Variants in TAF6L observed in about 807,000 individuals in gnomAD.
The protein encoded by TAF6L is TAF6-like RNA polymerase II p300/CBP-associated factor-associated factor 65 kDa subunit 6L.
Under a neutral mutation model 57.3 loss-of-function variants are expected in TAF6L, and 34 were observed. The observed-to-expected ratio is 0.59, with a 90% CI of 0.45 to 0.79. The LOEUF (loss-of-function observed/expected upper bound fraction) is 0.79, where lower values mean the gene tolerates loss of function less well. Among genes scored for constraint, TAF6L ranks in the 30% least tolerant of loss-of-function variants. The pLI, the probability that TAF6L is intolerant of heterozygous loss-of-function variation, is 0.00. For missense variants in TAF6L, 782 were observed against 853.2 expected, an observed-to-expected ratio of 0.92 and a Z score of 1.04; for synonymous variants, 417 against 376.3, an observed-to-expected ratio of 1.11 and a Z score of -1.25.
rs1365499408 is a variant in TAF6L, at chr11:62,786,783, G to A, written c.1356G>A (p.Leu452=). The stretch of plus-strand genomic sequence containing the variant: ...TCTACGCCTTCTTCGGTGACAGCTT[G>A]GCCACACGCTTTGGCACCGGCCAGC... ...RELYAFFGDS[L]ATRFGTGQPA... is the part of the protein sequence containing the mutation. Residue 452 remains leucine (L), a synonymous_variant, in exon 11 of 11, where the codon TTG becomes TTA. Transcript: ENST00000294168. 1.2e-6 allele frequency: 2 copies of A among 1,611,848 alleles called. No individual in the cohort carries two copies. The highest frequency in any genetic ancestry group is 2.2e-5 in the East Asian group (1 of 44,852).
chr11:62,776,358 T>C (rs981392110), intron 2 of TAF6L, 26 bp from the exon 3 acceptor site: 2 of 1,612,066 alleles, frequency 1.2e-6, no homozygotes, highest in African/African-American at 2.7e-5. Flanking sequence ...ATCCTTTGAC[T>C]CTGGCTTTTG....
chr11:62,775,741 G>C lies in TAF6L; in HGVS notation c.-13-30G>C, dbSNP rs748198682. The C allele has an allele frequency of 1.9e-6, 3 of 1,577,014 alleles. No individual in the cohort carries two copies. In the African/African-American group the frequency reaches 4.0e-5, roughly 21 times the overall value. ...CCTGGGCTCTCCGGGAGGCTGGGCA[G>C]CTTTTCCAGTCTTCATTCTCCACTC... is the stretch of plus-strand genomic sequence containing the variant. On this transcript the variant is annotated intron_variant, in intron 1 of 10. Transcript: ENST00000294168.
chr11:62,776,397 T>A lies in TAF6L; in HGVS notation c.161T>A (p.Phe54Tyr). ...CCTCCCTCCCAGAATAGCTCTCAGTTCATGAAGCACACCAAACGCCGGAAG... is the reference window on the plus strand; with the variant it reads ...CCTCCCTCCCAGAATAGCTCTCAGTACATGAAGCACACCAAACGCCGGAAG... ...LREATQNSSQ[F>Y]MKHTKRRKLT... The change falls in exon 3 of 11, where the codon TTC becomes TAC. Residue 54 changes from phenylalanine to tyrosine, a missense_variant. Phe to Tyr is a conservative substitution (Grantham distance 22). Transcript: ENST00000294168. The A allele has an allele frequency of 6.2e-7, 1 of 1,613,548 alleles. No homozygotes were observed. The highest frequency in any genetic ancestry group is 8.5e-7 in the Non-Finnish European group (1 of 1,179,612).
At chr11:62,775,376 G>A (rs1227728306) in intron 1 of TAF6L, among the ~76,000 whole-genome samples, 3 of 152,172 alleles carry the variant, frequency 2.0e-5, no homozygotes, top group Admixed American at 6.5e-5. Flanking sequence ...AGATTTGTGC[G>A]GGGACACAGC....
At position 62,786,831 on chromosome 11, in the gene TAF6L, G is replaced by A; in HGVS notation, c.1404G>A (p.Pro468=). 2 of 1,602,748 alleles carry A rather than the reference G, an allele frequency of 1.2e-6. No individual in the cohort carries two copies. The highest frequency in any genetic ancestry group is 1.7e-6 in the Non-Finnish European group (2 of 1,178,600). ...TGQPAPTAPR[P]PGDKKEPAAA... Reference sequence around the variant, plus strand: ...AGCCTGCACCCACGGCTCCGCGGCCGCCCGGGGACAAGAAGGAGCCGGCGG... The same window carrying A: ...AGCCTGCACCCACGGCTCCGCGGCCACCCGGGGACAAGAAGGAGCCGGCGG... Residue 468 remains proline (P), a synonymous_variant, in exon 11 of 11, where the codon CCG becomes CCA. Transcript: ENST00000294168.
chr11:62,777,606 G>T (rs1439124026), intron 3 of TAF6L, among the ~76,000 whole-genome samples: 1 of 152,220 alleles, frequency 6.6e-6, no homozygotes, highest in Non-Finnish European at 1.5e-5. Flanking sequence ...AACAGTGTGG[G>T]TGTTAGGGCC....
At chr11:62,778,261 C>T in intron 4 of TAF6L, 24 bp from the exon 5 acceptor site, 5 of 1,614,124 alleles carry the variant, frequency 3.1e-6, no homozygotes, top group Middle Eastern at 1.7e-4. Context: ...GCCAGGCTGA[C>T]ACATCTCTCT....
chr11:62,773,687 A>AT (rs1233106369), intron 1 of TAF6L, among the ~76,000 whole-genome samples: 1 of 152,076 alleles, frequency 6.6e-6, no homozygotes. Flanking sequence ...ACCTCAGGTG[A>AT]TTCGCCCGCC....
chr11:62,777,560 A>G (rs2084196419), intron 3 of TAF6L, among the ~76,000 whole-genome samples: 1 of 152,122 alleles, frequency 6.6e-6, no homozygotes, highest in African/African-American at 2.4e-5. Flanking sequence ...GGCCAAGAGG[A>G]AAAGAAGGCA....
At chr11:62,784,607 A>T (rs2084256946) in intron 9 of TAF6L, among the ~76,000 whole-genome samples, 1 of 152,028 alleles carries the variant, frequency 6.6e-6, no homozygotes, top group Admixed American at 6.6e-5. Flanking sequence ...TGCCTGGCCT[A>T]TATTCTTAAT....
At chr11:62,772,826 GTTC>G (rs1315769960) in intron 1 of TAF6L, among the ~76,000 whole-genome samples, 3 of 149,736 alleles carry the variant, frequency 2.0e-5, no homozygotes, top group Admixed American at 6.7e-5. Context: ...AAAAAGAATA[GTTC>G]TTCTTTCTTT....
At chr11:62,778,797 G>C in intron 5 of TAF6L, 72 bp from the exon 6 acceptor site, 1 of 1,280,430 alleles carries the variant, frequency 7.8e-7, no homozygotes, top group South Asian at 1.2e-5. Flanking sequence ...GTGGTTGAGG[G>C]GGAGGAGGCT....
chr11:62,776,348 A>C, intron 2 of TAF6L, 36 bp from the exon 3 acceptor site: 1 of 1,609,528 alleles, frequency 6.2e-7, no homozygotes, highest in Non-Finnish European at 8.5e-7. Flanking sequence ...CCTGCTTCAC[A>C]TCCTTTGACT....
rs1173738715 is a variant in TAF6L, at chr11:62,786,515, A to C, written c.1090-2A>C. ...GCCTATCTTAGTCCTTGGCTCTTAC[A>C]GGTGGCGGTAGAGCGACTGCTGAAG... On this transcript the variant is annotated splice_acceptor_variant, in intron 10 of 10. Coordinates refer to ENST00000294168, the MANE Select transcript of TAF6L (RefSeq NM_006473.4). LOFTEE classifies it high-confidence loss of function. 6.4e-7 allele frequency: 1 copy of C among 1,556,772 alleles called. No homozygotes were observed. Among genetic ancestry groups the C allele is most frequent in the South Asian group, 1.2e-5 (1 of 82,688 alleles).
chr11:62,779,976 A>ATATATATATATATATATTTTTTT (rs1294367864), intron 6 of TAF6L, among the ~76,000 whole-genome samples: 2 of 52,632 alleles, frequency 3.8e-5, no homozygotes, highest in African/African-American at 7.7e-5. Context: ...ATATATATAT[A>ATATATATATATATATATTTTTTT]TTTTTTTTTT....
intron 4 of TAF6L, 38 bp downstream of exon 4, chr11:62,778,166 T>C (rs1448324905): frequency 6.2e-7 from 1 of 1,613,572 alleles, no homozygotes; most frequent in Admixed American, 1.7e-5. Flanking sequence ...GGGATGGGAG[T>C]TGGGCCGTGA....
chr11:62,776,607 T>A, intron 3 of TAF6L, 137 bp downstream of exon 3: 1 of 813,184 alleles, frequency 1.2e-6, no homozygotes, highest in South Asian at 1.5e-5. Context: ...TCCCAGCACT[T>A]TGGGAGGCCG....
At chr11:62,773,883 G>A (rs2084167256) in intron 1 of TAF6L, among the ~76,000 whole-genome samples, 1 of 152,124 alleles carries the variant, frequency 6.6e-6, no homozygotes, top group African/African-American at 2.4e-5. Flanking sequence ...GATTGGGGGT[G>A]GAGGACAGGG....
In TAF6L at chr11:62,778,929, G is replaced by A. The variant is rs1363487583; in HGVS notation, c.497G>A (p.Arg166His). Residue 166 changes from arginine (R) to histidine (H), a missense_variant, in exon 6 of 11, where the codon CGT becomes CAT. Transcript: ENST00000294168. ...DLLKYYHQVT[R>H]AVLGDDPQLM... is the part of the protein sequence containing the mutation. Reference sequence around the variant, plus strand: ...CTCAAGTACTATCACCAGGTGACTCGTGCTGTGCTAGGGGATGATCCGCAA... The same window carrying A: ...CTCAAGTACTATCACCAGGTGACTCATGCTGTGCTAGGGGATGATCCGCAA... 3 of 1,613,936 alleles carry A rather than the reference G, an allele frequency of 1.9e-6. No individual in the cohort carries two copies. The highest frequency in any genetic ancestry group is 2.5e-6 in the Non-Finnish European group (3 of 1,180,020).
Sources: gnomAD v4.1 joint callset for allele counts (sites outside exome capture counted in the v4.1 genomes callset) on GRCh38, gnomAD v4.1.1 for gene constraint, MANE v1.5 for transcripts, NCBI Gene and HGNC (gene_info 2026-07-23, HGNC 2026-07-21) for gene names.